The following PHF14 variants were observed in gnomAD, a reference collection of about 807,000 sequenced individuals.
PHF14 encodes PHD finger protein 14.
A neutral mutation model predicts 117.9 loss-of-function variants in PHF14; 55 were observed. That is an observed-to-expected ratio of 0.47 (90% CI 0.38 to 0.58). The LOEUF is 0.58. Among genes scored for constraint, PHF14 ranks in the 20% least tolerant of loss-of-function variants. The pLI, the probability that PHF14 is intolerant of heterozygous loss-of-function variation, is 0.00. For missense variants in PHF14, 978 were observed against 1,122.2 expected, an observed-to-expected ratio of 0.87 and a Z score of 1.84; for synonymous variants, 409 against 368.6, an observed-to-expected ratio of 1.11 and a Z score of -1.26.
At chr7:11,016,831 C>G (rs1489638237) in intron 5 of PHF14, among the ~76,000 whole-genome samples, 1 of 152,082 alleles carries the variant, frequency 6.6e-6, no homozygotes, top group Non-Finnish European at 1.5e-5. Context: ...AACAGTAGGT[C>G]TTAGTCTTTC....
chr7:11,072,891 G>T (rs1425139595), intron 16 of PHF14, among the ~76,000 whole-genome samples: 2 of 152,080 alleles, frequency 1.3e-5, no homozygotes, highest in Non-Finnish European at 2.9e-5. Context: ...GAGGTGTCAG[G>T]CTCCTTTAAA....
chr7:10,985,651 T>TTC (rs1400561742), intron 3 of PHF14, among the ~76,000 whole-genome samples: 2 of 128,268 alleles, frequency 1.6e-5, no homozygotes, highest in African/African-American at 3.1e-5. Flanking sequence ...TTTTTTTTTT[T>TTC]TTTTTTTTTT....
intron 4 of PHF14, among the ~76,000 whole-genome samples, chr7:11,005,872 A>T (rs1783066961): frequency 7.5e-6 from 1 of 133,010 alleles, no homozygotes; most frequent in Non-Finnish European, 1.6e-5. Flanking sequence ...GGCTCACTGC[A>T]ACCTCTGCCT....
chr7:10,990,288 A>G (rs1024357821), intron 3 of PHF14, among the ~76,000 whole-genome samples: 1 of 152,208 alleles, frequency 6.6e-6, no homozygotes, highest in Non-Finnish European at 1.5e-5. Context: ...AAGCTCCTAA[A>G]GTGTAAGAAT....
chr7:11,014,102 C>T (rs1183579069), intron 5 of PHF14, among the ~76,000 whole-genome samples, 196 bp downstream of exon 5: 2 of 152,132 alleles, frequency 1.3e-5, no homozygotes, highest in Non-Finnish European at 2.9e-5. Flanking sequence ...CCTGCATTTG[C>T]CTTTACATCC....
intron 16 of PHF14, among the ~76,000 whole-genome samples, chr7:11,067,415 C>T (rs1300756916): frequency 6.6e-6 from 1 of 152,044 alleles, no homozygotes; most frequent in Non-Finnish European, 1.5e-5. Flanking sequence ...ATTTTAATTC[C>T]TCAAAAAATT....
chr7:11,041,727 C>A (rs1784511310), intron 12 of PHF14, among the ~76,000 whole-genome samples: 1 of 151,858 alleles, frequency 6.6e-6, no homozygotes, highest in Non-Finnish European at 1.5e-5. Context: ...TCATTTGGAA[C>A]CATCAGGCAA....
intron 16 of PHF14, among the ~76,000 whole-genome samples, chr7:11,075,727 G>T (rs1343666990): frequency 6.6e-6 from 1 of 151,896 alleles, no homozygotes; most frequent in African/African-American, 2.4e-5. Context: ...TATGTATCAG[G>T]TATCTTATAT....
rs1282163077 is a variant in PHF14, at chr7:10,985,646, T to G, written c.900+2487T>G. Among the ~76,000 whole-genome samples the G allele has an allele frequency of 6.9e-3, 840 of 122,452 alleles. 10 individuals carry two copies. The highest frequency in any genetic ancestry group is 0.027 in the African/African-American group (788 of 29,600). The allele number at this position is 122,452 out of a possible 152,430, so 80.3% of individuals were successfully genotyped here. A position where few individuals can be genotyped will look rare whatever the true frequency, so the allele number is the denominator to read the frequency against. On this transcript the variant is annotated intron_variant, in intron 3 of 17. Transcript: ENST00000634607. ...GCAGTGATTCTCAAACTGTTTTTTT[T>G]TTTTTTTTTTTTTTTTTTTTTTTGG...
Position 11,116,600 on chromosome 7 carries a change from T to C in PHF14, c.2772+5133T>C, listed in dbSNP as rs1384124764. The stretch of plus-strand genomic sequence containing the variant: ...CATTACTCTCCTGATATGAAACCAA[T>C]CTCTTATCACCCTCTACTCCTGCCC... On this transcript the variant is annotated intron_variant, in intron 17 of 17. Coordinates refer to ENST00000634607, the MANE Select transcript of PHF14 (RefSeq NM_001007157.2). Among the ~76,000 whole-genome samples, 33 of 151,934 alleles carry C rather than the reference T, an allele frequency of 2.2e-4. No homozygotes were observed. The Admixed American group carries it at 2.2e-3, about 10-fold the overall frequency.
At chr7:11,103,518 G>A (rs2128341835) in intron 16 of PHF14, 2 of 984,938 alleles carry the variant, frequency 2.0e-6, no homozygotes, top group Non-Finnish European at 2.4e-6. Flanking sequence ...AACGGCAGAA[G>A]TATGTTGAAT....
intron 6 of PHF14, among the ~76,000 whole-genome samples, chr7:11,026,703 T>C (rs377182242): frequency 1.1e-4 from 17 of 152,156 alleles, no homozygotes; most frequent in African/African-American, 4.1e-4. Flanking sequence ...TAGTTGGCTG[T>C]TGTGGTTAGT....
intron 14 of PHF14, among the ~76,000 whole-genome samples, chr7:11,058,720 A>G (rs552317511): frequency 6.6e-6 from 1 of 152,274 alleles, no homozygotes; most frequent in East Asian, 1.9e-4. Context: ...TACGTGCAAT[A>G]AGAGATTTGC....
chr7:11,078,120 G>T (rs944929983), intron 16 of PHF14, among the ~76,000 whole-genome samples: 1 of 152,082 alleles, frequency 6.6e-6, no homozygotes, highest in Non-Finnish European at 1.5e-5. Flanking sequence ...GAGAAGAGAA[G>T]CTATCTAACC....
At chr7:11,051,910 A>G (rs1784861797) in intron 14 of PHF14, 130 bp downstream of exon 14, 7 of 704,208 alleles carry the variant, frequency 9.9e-6, no homozygotes, top group Admixed American at 3.1e-5. Flanking sequence ...ATTCTTAACA[A>G]TTTTTTTTCT....
At chr7:10,994,225 G>A (rs569898602) in intron 4 of PHF14, among the ~76,000 whole-genome samples, 9 of 152,068 alleles carry the variant, frequency 5.9e-5, no homozygotes, top group Non-Finnish European at 1.0e-4. Context: ...ATCACTTGAG[G>A]TCAGAAGTTC....
At chr7:11,008,046 T>C (rs1562416818) in intron 4 of PHF14, among the ~76,000 whole-genome samples, 1 of 151,788 alleles carries the variant, frequency 6.6e-6, no homozygotes, top group South Asian at 2.1e-4. Flanking sequence ...TATCCTGATA[T>C]CCTGATTGTA....
At chr7:11,008,037 A>T (rs1274852737) in intron 4 of PHF14, among the ~76,000 whole-genome samples, 1 of 152,022 alleles carries the variant, frequency 6.6e-6, no homozygotes, top group African/African-American at 2.4e-5. Context: ...GATGTCACTT[A>T]TCCTGATATC....
chr7:11,023,505 C>G (rs1308520591), intron 6 of PHF14, among the ~76,000 whole-genome samples: 4 of 152,180 alleles, frequency 2.6e-5, no homozygotes, highest in Non-Finnish European at 5.9e-5. Flanking sequence ...TGGTTGGGGC[C>G]TCTCTGTTCG....
Sources: allele counts gnomAD v4.1 joint callset (sites outside exome capture counted in the v4.1 genomes callset), GRCh38; gene constraint gnomAD v4.1.1; transcripts MANE v1.5; gene names NCBI Gene and HGNC (gene_info 2026-07-23, HGNC 2026-07-21).